The following TDRD3 variants were observed in gnomAD, a reference collection of about 807,000 sequenced individuals.
TDRD3 encodes the protein tudor domain-containing protein 3.
Under a neutral mutation model 86.7 loss-of-function variants are expected in TDRD3, and 45 were observed. That is an observed-to-expected ratio of 0.52 (90% confidence interval 0.41 to 0.67). TDRD3 has a LOEUF of 0.67. Ranked by LOEUF, TDRD3 falls within the 30% of genes least tolerant of loss-of-function variation. TDRD3 has a pLI of 0.00. For synonymous variants in TDRD3, 298 were observed against 301.7 expected (o/e 0.99, Z 0.13); for missense variants, 814 against 889.0 (o/e 0.92, Z 1.07).
intron 5 of TDRD3, among the ~76,000 whole-genome samples, chr13:60,480,438 C>T (rs1956284888): frequency 6.6e-6 from 1 of 151,990 alleles, no homozygotes; most frequent in South Asian, 2.1e-4. Context: ...TTTGCATTGA[C>T]CTTGGAGAAT....
chr13:60,456,847 C>T (rs1301679701), intron 3 of TDRD3, among the ~76,000 whole-genome samples: 2 of 152,008 alleles, frequency 1.3e-5, no homozygotes, highest in African/African-American at 4.8e-5. Flanking sequence ...AAGCACACAC[C>T]ACCACGCTTG....
At chr13:60,441,282 GT>G (rs1055047252) in intron 2 of TDRD3, among the ~76,000 whole-genome samples, 7 of 150,946 alleles carry the variant, frequency 4.6e-5, no homozygotes, top group South Asian at 4.2e-4. Flanking sequence ...ATTTGCTGGG[GT>G]TTTTTTTTAT....
At chr13:60,402,837 C>A (rs935189829) in intron 1 of TDRD3, among the ~76,000 whole-genome samples, 1 of 151,872 alleles carries the variant, frequency 6.6e-6, no homozygotes, top group African/African-American at 2.4e-5. Flanking sequence ...TACAGGCATG[C>A]GCCACCACGC....
At chr13:60,482,020 A>G (rs1324783317) in intron 5 of TDRD3, among the ~76,000 whole-genome samples, 2 of 152,212 alleles carry the variant, frequency 1.3e-5, no homozygotes, top group African/African-American at 2.4e-5. Flanking sequence ...ATGAATGTCC[A>G]AAGAGTTTTT....
In TDRD3 at chr13:60,478,291, ATTTTTTTTTTT is replaced by A. The variant is rs34449105; in HGVS notation, c.496-5466_496-5456del. On this transcript the variant is annotated intron_variant, in intron 5 of 13. Transcript: ENST00000377881. ...TGTTAATCTAGCTAGCAGTCTACCA[ATTTTTTTTTTT>A]TTTTTTTTTTTTTTTTTGAGACAGA... 7.4e-3 allele frequency among the ~76,000 whole-genome samples: 549 copies of A among 74,372 alleles called. 1 individual carries two copies. Among genetic ancestry groups the A allele is most frequent in the Non-Finnish European group, 9.7e-3 (399 of 41,102 alleles). The allele number at this position is 74,372 out of a possible 152,430, so 48.8% of individuals were successfully genotyped here. A position where few individuals can be genotyped will look rare whatever the true frequency, so the allele number is the denominator to read the frequency against.
chr13:60,529,060 T>A lies in TDRD3; in HGVS notation c.1835T>A (p.Val612Glu), dbSNP rs1208111017. The change falls in exon 11 of 14, where the codon GTA becomes GAA. Residue 612 changes from valine (V) to glutamate (E), a missense_variant. Transcript: ENST00000377881. ...AAGCCAGCAGGACCTGTCACAGCTG[T>A]ACCCTGTGATGATAAAATATTTTAC... is the stretch of plus-strand genomic sequence containing the variant. ...PIKPAGPVTA[V>E]PCDDKIFYNS... 4.3e-6 allele frequency: 7 copies of A among 1,613,882 alleles called. No homozygotes were observed. Among genetic ancestry groups the A allele is most frequent in the Admixed American group, 1.7e-5 (1 of 59,986 alleles).
chr13:60,400,884 C>G (rs188921686), intron 1 of TDRD3, among the ~76,000 whole-genome samples: 144 of 152,178 alleles, frequency 9.5e-4, no homozygotes, highest in Middle Eastern at 3.4e-3. Context: ...GCCCAGATGT[C>G]TAGAATAAAG....
intron 1 of TDRD3, among the ~76,000 whole-genome samples, chr13:60,409,531 C>T (rs1487430221): frequency 6.6e-6 from 1 of 152,170 alleles, no homozygotes; most frequent in Admixed American, 6.5e-5. Flanking sequence ...ATCAGTGTGA[C>T]CTGGATGTGA....
intron 3 of TDRD3, among the ~76,000 whole-genome samples, chr13:60,454,047 A>G (rs1304865974): frequency 6.6e-6 from 1 of 152,142 alleles, no homozygotes; most frequent in Non-Finnish European, 1.5e-5. Context: ...TAAAGGTTTT[A>G]TACATGGTAC....
At chr13:60,398,094 G>A (rs1031457546) in intron 1 of TDRD3, among the ~76,000 whole-genome samples, 1 of 152,196 alleles carries the variant, frequency 6.6e-6, no homozygotes, top group African/African-American at 2.4e-5. Flanking sequence ...AGATTTTCAG[G>A]ATTTGAAAAC....
chr13:60,509,137 G>A (rs546548364), intron 8 of TDRD3, among the ~76,000 whole-genome samples: 8 of 152,194 alleles, frequency 5.3e-5, no homozygotes, highest in East Asian at 3.9e-4. Context: ...AAATTTCTTC[G>A]TAGGATATGT....
chr13:60,541,583 A>G (rs1240060141), intron 12 of TDRD3, among the ~76,000 whole-genome samples: 2 of 152,018 alleles, frequency 1.3e-5, no homozygotes, highest in East Asian at 3.9e-4. Flanking sequence ...GGACTTCTGA[A>G]TATATGGCAT....
intron 5 of TDRD3, among the ~76,000 whole-genome samples, chr13:60,474,289 G>GC (rs1477875296): frequency 9.9e-5 from 15 of 152,094 alleles, no homozygotes; most frequent in Non-Finnish European, 1.9e-4. Context: ...TCCTTACCCT[G>GC]CCCCCTTGTC....
At chr13:60,573,556 A>G (rs952623351) in intron 13 of TDRD3, 60 bp from the exon 14 acceptor site, 1 of 946,678 alleles carries the variant, frequency 1.1e-6, no homozygotes, top group African/African-American at 1.8e-5. Context: ...TATCTTGACA[A>G]AGTATGGAAA....
chr13:60,545,235 A>G (rs1957913148), intron 12 of TDRD3, among the ~76,000 whole-genome samples: 1 of 152,142 alleles, frequency 6.6e-6, no homozygotes, highest in African/African-American at 2.4e-5. Flanking sequence ...CATTGCTGGC[A>G]TGGGTCTTGA....
At chr13:60,464,120 C>T (rs1955862127) in intron 4 of TDRD3, among the ~76,000 whole-genome samples, 1 of 152,114 alleles carries the variant, frequency 6.6e-6, no homozygotes, top group Non-Finnish European at 1.5e-5. Flanking sequence ...AACCTGAAAC[C>T]CTCACCAGAA....
chr13:60,409,123 G>A (rs754581519), intron 1 of TDRD3, among the ~76,000 whole-genome samples: 80 of 152,384 alleles, frequency 5.2e-4, no homozygotes, highest in Non-Finnish European at 1.0e-3. Flanking sequence ...CAGCTTCCAT[G>A]TGGTGTTGAG....
chr13:60,476,132 G>C (rs1398156115), intron 5 of TDRD3, among the ~76,000 whole-genome samples: 3 of 152,036 alleles, frequency 2.0e-5, no homozygotes, highest in Non-Finnish European at 4.4e-5. Context: ...TCTCAAGAAG[G>C]GTATTTCCTA....
chr13:60,448,751 A>C (rs1955464773), intron 3 of TDRD3, among the ~76,000 whole-genome samples: 1 of 152,184 alleles, frequency 6.6e-6, no homozygotes, highest in African/African-American at 2.4e-5. Flanking sequence ...GCAGCTTGTA[A>C]GCTAAAAATT....
Sources: gnomAD v4.1 joint callset for allele counts (sites outside exome capture counted in the v4.1 genomes callset) on GRCh38, gnomAD v4.1.1 for gene constraint, MANE v1.5 for transcripts, NCBI Gene and HGNC (gene_info 2026-07-23, HGNC 2026-07-21) for gene names.